Variants in LPAR1 observed in about 807,000 individuals in gnomAD.
LPAR1 encodes the protein LPA receptor 1.
In LPAR1, 5 loss-of-function variants were observed where a neutral mutation model predicts 23.8. The observed-to-expected ratio is 0.21, with a 90% confidence interval of 0.11 to 0.44. The LOEUF is 0.44. Ranked by LOEUF, LPAR1 falls within the 20% of genes least tolerant of loss-of-function variation. The pLI is 0.99. For synonymous variants in LPAR1, 160 were observed against 164.7 expected (o/e 0.97, Z 0.22); for missense variants, 311 against 482.8 (o/e 0.64, Z 3.33).
At chr9:110,893,648 T>C (rs2085286512) in intron 5 of LPAR1, among the ~76,000 whole-genome samples, 1 of 152,208 alleles carries the variant, frequency 6.6e-6, no homozygotes, top group Non-Finnish European at 1.5e-5. Context: ...TAACTTTTTT[T>C]GGTAAGAAAC....
chr9:110,999,086 G>A (rs1166555980), intron 2 of LPAR1, among the ~76,000 whole-genome samples: 15 of 152,158 alleles, frequency 9.9e-5, no homozygotes, highest in Admixed American at 8.5e-4. Context: ...AAGATCAAAA[G>A]CTGTAGTGAA....
chr9:111,036,377 GAAAAAAA>G (rs34393299), intron 1 of LPAR1, among the ~76,000 whole-genome samples, 176 bp from the exon 2 acceptor site: 17 of 122,208 alleles, frequency 1.4e-4, no homozygotes, highest in African/African-American at 2.4e-4. Flanking sequence ...TTGAGGAAAG[GAAAAAAA>G]AAAAAAAAAG....
At chr9:110,984,958 C>T (rs1004570142) in intron 2 of LPAR1, among the ~76,000 whole-genome samples, 18 of 151,984 alleles carry the variant, frequency 1.2e-4, no homozygotes, top group Middle Eastern at 3.4e-3. Flanking sequence ...TCAGAATTTC[C>T]GTTTTAAAGA....
chr9:110,920,075 G>A (rs2093514364), intron 5 of LPAR1, among the ~76,000 whole-genome samples: 1 of 152,194 alleles, frequency 6.6e-6, no homozygotes, highest in African/African-American at 2.4e-5. Flanking sequence ...CACAGCCAAA[G>A]GCCAGGCTAT....
At chr9:110,901,329 C>T (rs567086632) in intron 5 of LPAR1, among the ~76,000 whole-genome samples, 2 of 152,300 alleles carry the variant, frequency 1.3e-5, no homozygotes, top group African/African-American at 2.4e-5. Context: ...TCTTCCTCCA[C>T]GTTCCTAAAG....
chr9:110,881,092 CT>C (rs1246610223), intron 5 of LPAR1, among the ~76,000 whole-genome samples: 2 of 152,092 alleles, frequency 1.3e-5, no homozygotes, highest in African/African-American at 2.4e-5. Context: ...ATTAAAAAAT[CT>C]TTTTTCCTGA....
chr9:111,029,651 C>T (rs1005814550), intron 2 of LPAR1, among the ~76,000 whole-genome samples: 10 of 152,024 alleles, frequency 6.6e-5, no homozygotes, highest in African/African-American at 1.2e-4. Flanking sequence ...CTTGGTTTAC[C>T]GTATTCATCA....
chr9:110,990,039 G>C (rs1310383996), intron 2 of LPAR1, among the ~76,000 whole-genome samples: 2 of 152,012 alleles, frequency 1.3e-5, no homozygotes, highest in African/African-American at 4.8e-5. Context: ...CATAATGATA[G>C]AGTCTCTTTA....
intron 4 of LPAR1, among the ~76,000 whole-genome samples, chr9:110,947,635 T>C (rs536735795): frequency 3.4e-4 from 52 of 152,368 alleles, no homozygotes; most frequent in African/African-American, 1.2e-3. Context: ...GTTTATAGGA[T>C]ACCAGGTTGG....
intron 4 of LPAR1, among the ~76,000 whole-genome samples, chr9:110,966,626 A>C (rs995257800): frequency 1.3e-5 from 2 of 152,150 alleles, no homozygotes; most frequent in African/African-American, 4.8e-5. Context: ...AAAATAATTT[A>C]AATTCAAATA....
chr9:111,022,590 CACTTACAAAAA>C (rs2097579310), intron 2 of LPAR1, among the ~76,000 whole-genome samples: 1 of 152,180 alleles, frequency 6.6e-6, no homozygotes, highest in Non-Finnish European at 1.5e-5. Context: ...ATCTGATCTT[CACTTACAAAAA>C]ACTTAACTTC....
chr9:110,981,391 T>C (rs185850543), intron 2 of LPAR1, among the ~76,000 whole-genome samples: 1 of 152,142 alleles, frequency 6.6e-6, no homozygotes, highest in Non-Finnish European at 1.5e-5. Context: ...ATGGGTATAA[T>C]AATAGTAAGG....
At chr9:110,999,440 T>C (rs572402934) in intron 2 of LPAR1, 22 of 455,930 alleles carry the variant, frequency 4.8e-5, no homozygotes, top group African/African-American at 4.4e-4. Flanking sequence ...AGCAGCAGCA[T>C]CCCCACACCA....
chr9:111,023,050 CAACAAAAAAA>C (rs141944434), intron 2 of LPAR1, among the ~76,000 whole-genome samples: 46,137 of 104,138 alleles, frequency 0.44, 8,306 homozygotes, highest in East Asian at 0.65. Flanking sequence ...GACTCCGTCT[CAACAAAAAAA>C]AAAAAAAAAA....
chr9:110,924,029 T>C (rs2093825003), intron 5 of LPAR1, among the ~76,000 whole-genome samples: 1 of 152,106 alleles, frequency 6.6e-6, no homozygotes, highest in Non-Finnish European at 1.5e-5. Context: ...CTAATGTTTA[T>C]CATCATGAAT....
intron 2 of LPAR1, among the ~76,000 whole-genome samples, chr9:111,004,239 G>A (rs953098897): frequency 6.6e-6 from 1 of 152,074 alleles, no homozygotes; most frequent in Non-Finnish European, 1.5e-5. Context: ...GTTTTGCACT[G>A]CAGTTTACTT....
At chr9:110,948,961 A>G (rs1337458848) in intron 4 of LPAR1, among the ~76,000 whole-genome samples, 1 of 152,070 alleles carries the variant, frequency 6.6e-6, no homozygotes, top group Non-Finnish European at 1.5e-5. Context: ...AGAACAAGGA[A>G]GTTTTGTCAA....
chr9:110,977,495 T>C (rs755207642), intron 2 of LPAR1, among the ~76,000 whole-genome samples: 2 of 152,198 alleles, frequency 1.3e-5, no homozygotes, highest in Non-Finnish European at 2.9e-5. Context: ...TTTGATTACT[T>C]CTGGAGCTGA....
At chr9:110,902,974 C>T (rs1409684) in intron 5 of LPAR1, among the ~76,000 whole-genome samples, 26,364 of 152,124 alleles carry the variant, frequency 0.17, 2,702 homozygotes, top group Admixed American at 0.25. Flanking sequence ...TCTGAAAATG[C>T]AATTGTCATT....
Sources: gnomAD v4.1 joint callset for allele counts (sites outside exome capture counted in the v4.1 genomes callset) on GRCh38, gnomAD v4.1.1 for gene constraint, MANE v1.5 for transcripts, NCBI Gene and HGNC (gene_info 2026-07-23, HGNC 2026-07-21) for gene names.